CYP2A6: variants seen among roughly 807,000 people sequenced by gnomAD.
CYP2A6 encodes cytochrome P450 family 2 subfamily A member 6, also known as cytochrome P450 2A6.
A neutral mutation model predicts 42.3 loss-of-function variants in CYP2A6; 27 were observed. That is an observed-to-expected ratio of 0.64 (90% CI 0.47 to 0.88). The LOEUF (loss-of-function observed/expected upper bound fraction) is 0.88. Among genes scored for constraint, CYP2A6 ranks in the 40% least tolerant of loss-of-function variants. The pLI is 0.00. For synonymous variants in CYP2A6, 238 were observed against 246.3 expected (o/e 0.97, Z 0.31); for missense variants, 628 against 646.0 (o/e 0.97, Z 0.30).
At position 40,848,386 on chromosome 19, in the gene CYP2A6, G is replaced by A; in HGVS notation, c.494-7C>T. 2 of 1,611,856 alleles carry A rather than the reference G, an allele frequency of 1.2e-6. No individual in the cohort carries two copies. The highest frequency in any genetic ancestry group is 1.1e-5 in the South Asian group (1 of 90,904). The stretch of plus-strand genomic sequence containing the variant: ...GTGGGATCGATATTGGCGCCTGCGG[G>A]TATGGCGGGAGAAGGGGGTTGGGGA... On this transcript the variant is annotated splice_region_variant and splice_polypyrimidine_tract_variant and intron_variant, in intron 3 of 8. Coordinates refer to ENST00000301141, the MANE Select transcript of CYP2A6 (RefSeq NM_000762.6).
chr19:40,850,427 G>T lies in CYP2A6; in HGVS notation c.-1C>A, dbSNP rs780456650. Reference sequence around the variant, plus strand: ...CCAGAAGCATCCCTGAGGCCAGCATGGTGGTAGTGGGATGATAGATGGTGA... The same window carrying T: ...CCAGAAGCATCCCTGAGGCCAGCATTGTGGTAGTGGGATGATAGATGGTGA... On this transcript the variant is annotated 5_prime_UTR_variant, in exon 1 of 9. Coordinates refer to ENST00000301141, the MANE Select transcript of CYP2A6 (RefSeq NM_000762.6). 11 of 1,607,398 alleles carry T rather than the reference G, an allele frequency of 6.8e-6. No homozygotes were observed. Among genetic ancestry groups the T allele is most frequent in the Non-Finnish European group, 9.3e-6 (11 of 1,177,168 alleles).
intron 2 of CYP2A6, among the ~76,000 whole-genome samples, chr19:40,849,020 A>AGG (rs1166588094): frequency 1.7e-5 from 1 of 58,998 alleles, no homozygotes; most frequent in Non-Finnish European, 3.2e-5. Flanking sequence ...GAAGAGAGAG[A>AGG]GGAGAGAGAG....
chr19:40,848,565 C>T (rs1967140431), intron 3 of CYP2A6, 49 bp downstream of exon 3: 1 of 1,601,644 alleles, frequency 6.2e-7, no homozygotes, highest in Non-Finnish European at 8.5e-7. Flanking sequence ...GGTTCCTCGT[C>T]CTGGGTGTTT....
rs1276749710 is a variant in CYP2A6, at chr19:40,846,997, C to T, written c.709G>A (p.Ala237Thr). The change falls in exon 5 of 9, where the codon GCC becomes ACC. Residue 237 changes from alanine (A) to threonine (T), a missense_variant. Ala to Thr is a moderately conservative substitution (Grantham distance 58). This residue lies in a region of CYP2A6 where 606 missense variants were observed against 568.1 expected (regional missense o/e 1.07). Transcript: ENST00000301141. The stretch of plus-strand genomic sequence containing the variant: ...TCCAGCCCTTGCAGCAACTGAAAGG[C>T]CTGTTGCTGTGGTCCTGGCAGGTGT... ...MKHLPGPQQQ[A>T]FQLLQGLEDF... is the part of the protein sequence containing the mutation. The T allele has an allele frequency of 3.5e-5, 57 of 1,611,836 alleles. 1 individual carries two copies. Among genetic ancestry groups the T allele is most frequent in the Non-Finnish European group, 4.6e-5 (54 of 1,179,860 alleles).
intron 2 of CYP2A6, among the ~76,000 whole-genome samples, chr19:40,849,042 A>AG (rs1293469202): frequency 0.27 from 11,471 of 43,222 alleles, 3,521 homozygotes; most frequent in Non-Finnish European, 0.34. Flanking sequence ...GAGAAGAGAG[A>AG]GAGGAGAGAG....
rs1377691103 is a variant in CYP2A6 at position 40,848,272 on chromosome 19, G to A, written c.601C>T (p.Leu201=). Residue 201 remains leucine (L), a synonymous_variant, in exon 4 of 9, where the codon CTG becomes TTG. Transcript: ENST00000301141. The part of the protein sequence containing the change: ...FDYKDKEFLS[L]LRMMLGIFQF... Reference sequence around the variant, plus strand: ...AAGATTCCTAGCATCATGCGCAACAGTGACAGGAACTCTTTGTCCTTATAG... The same window carrying A: ...AAGATTCCTAGCATCATGCGCAACAATGACAGGAACTCTTTGTCCTTATAG... 2 of 1,611,912 alleles carry A rather than the reference G, an allele frequency of 1.2e-6. No individual in the cohort carries two copies. The highest frequency in any genetic ancestry group is 1.7e-6 in the Non-Finnish European group (2 of 1,179,960).
chr19:40,849,683 G>C, intron 2 of CYP2A6, 135 bp downstream of exon 2: 2 of 1,491,004 alleles, frequency 1.3e-6, no homozygotes, highest in Non-Finnish European at 1.8e-6. Context: ...CCACAATGAA[G>C]GGAGATGGGG....
intron 1 of CYP2A6, 46 bp downstream of exon 1, chr19:40,850,201 T>C: frequency 6.3e-7 from 1 of 1,583,738 alleles, no homozygotes; most frequent in Non-Finnish European, 8.6e-7. Flanking sequence ...CCCAGCCAAC[T>C]AGGCAGCCCC....
intron 2 of CYP2A6, among the ~76,000 whole-genome samples, chr19:40,849,045 G>GAGAGA (rs1235580651): frequency 0.16 from 3,820 of 24,226 alleles, 1,363 homozygotes; most frequent in Non-Finnish European, 0.19. Flanking sequence ...AAGAGAGAGA[G>GAGAGA]GAGAGAGAGA....
In CYP2A6 at chr19:40,843,656, T is replaced by C. The variant is rs2083440965; in HGVS notation, c.*140A>G. On this transcript the variant is annotated 3_prime_UTR_variant, in exon 9 of 9. Transcript: ENST00000301141. ...AGGTGAACTGAGCCGCTTCTGTTTC[T>C]TCTCTTCCCTCTAGCCACCACGCCC... 5 of 1,165,724 alleles carry C rather than the reference T, an allele frequency of 4.3e-6. No individual in the cohort carries two copies. Among genetic ancestry groups the C allele is most frequent in the Non-Finnish European group, 5.8e-6 (5 of 862,996 alleles). The allele number at this position is 1,165,724 out of a possible 1,614,324, so 72.2% of individuals were successfully genotyped here.
At chr19:40,850,082 C>A in intron 1 of CYP2A6, 102 bp from the exon 2 acceptor site, 3 of 1,549,912 alleles carry the variant, frequency 1.9e-6, no homozygotes, top group Non-Finnish European at 2.6e-6. Flanking sequence ...CCCAGGTTCT[C>A]ACAGTCAGGG....
chr19:40,844,457 G>A (rs1298324102), intron 8 of CYP2A6, among the ~76,000 whole-genome samples, 174 bp downstream of exon 8: 4 of 151,328 alleles, frequency 2.6e-5, no homozygotes, highest in Admixed American at 6.6e-5. Flanking sequence ...TTACCTGGGC[G>A]CAGGTACTGG....
In CYP2A6 at chr19:40,849,860, G is replaced by A. The variant is rs199545200; in HGVS notation, c.301C>T (p.Arg101Ter). 149 of 1,610,598 alleles carry A rather than the reference G, an allele frequency of 9.3e-5. 15 individuals are homozygous for A. In the East Asian group the frequency reaches 2.9e-3, roughly 31 times the overall value. Reference sequence around the variant, plus strand: ...CAGTCGAAGGTGGCTTGCTCGCCTCGCCCGCTGAACTCCTCAGCCTGGTCC... The same window carrying A: ...CAGTCGAAGGTGGCTTGCTCGCCTCACCCGCTGAACTCCTCAGCCTGGTCC... ...LVDQAEEFSGRGEQATFDWVF... is the reference protein window; with the variant it reads ...LVDQAEEFSG Residue 101 changes from arginine (R) to a stop codon, truncating the protein, a stop_gained, in exon 2 of 9, where the codon CGA becomes TGA. Coordinates refer to ENST00000301141, the MANE Select transcript of CYP2A6 (RefSeq NM_000762.6). LOFTEE classifies it high-confidence loss of function.
chr19:40,846,266 T>C (rs759135212), intron 5 of CYP2A6, among the ~76,000 whole-genome samples, 169 bp from the exon 6 acceptor site: 21 of 151,470 alleles, frequency 1.4e-4, no homozygotes, highest in East Asian at 6.0e-4. Context: ...GCTGCTGGCT[T>C]TGCCCAAAAT....
At chr19:40,849,766 T>C in intron 2 of CYP2A6, 52 bp downstream of exon 2, 1 of 1,605,506 alleles carries the variant, frequency 6.2e-7, no homozygotes, top group Non-Finnish European at 8.5e-7. Flanking sequence ...CTGGGAACAC[T>C]GAGACCTTCG....
At chr19:40,846,194 C>G (rs1013316456) in intron 5 of CYP2A6, 97 bp from the exon 6 acceptor site, 146 of 1,531,138 alleles carry the variant, frequency 9.5e-5, no homozygotes, top group Non-Finnish European at 1.2e-4. Flanking sequence ...TGGTTCAGAC[C>G]AAAGGTGGAA....
chr19:40,848,991 A>AG (rs1967160401), intron 2 of CYP2A6, among the ~76,000 whole-genome samples: 52 of 107,804 alleles, frequency 4.8e-4, no homozygotes, highest in African/African-American at 1.1e-3. Flanking sequence ...GAGAGAGGAG[A>AG]GAGAGAGAGA....
At position 40,848,976 on chromosome 19, in the gene CYP2A6, GAA is replaced by G. The variant is rs1491120306; in HGVS notation, c.344-215_344-214del. On this transcript the variant is annotated intron_variant, in intron 2 of 8. Transcript: ENST00000301141. ...AGAGAGAGAGAGAGAGAGAGAGAGA[GAA>G]GAGAGAGAGGAGAGAGAGAGAGAGA... Among the ~76,000 whole-genome samples, 145 of 89,340 alleles carry G rather than the reference GAA, an allele frequency of 1.6e-3. 7 individuals are homozygous for G. Among genetic ancestry groups the G allele is most frequent in the African/African-American group, 6.3e-3 (131 of 20,890 alleles). The allele number at this position is 89,340 out of a possible 152,430, so 58.6% of individuals were successfully genotyped here.
chr19:40,846,026 C>T lies in CYP2A6; in HGVS notation c.903G>A (p.Gly301=), dbSNP rs60988093. The change falls in exon 6 of 9, where the codon GGG becomes GGA. Residue 301 remains glycine, a synonymous_variant. Transcript: ENST00000301141. ...LVMTTLNLFI[G]GTETVSTTLR... is the part of the protein sequence containing the mutation. ...GGGTGGTGCTGACGGTCTCGGTGCC[C>T]CCAATGAAGAGGTTCAACGTGGTCA... The T allele has an allele frequency of 1.9e-6, 3 of 1,611,390 alleles. No individual in the cohort carries two copies. The highest frequency in any genetic ancestry group is 2.7e-5 in the African/African-American group (2 of 74,484).
Sources: allele counts gnomAD v4.1 joint callset (sites outside exome capture counted in the v4.1 genomes callset), GRCh38; gene constraint gnomAD v4.1.1; regional missense constraint gnomAD v4.1.1; transcripts MANE v1.5; gene names NCBI Gene and HGNC (gene_info 2026-07-23, HGNC 2026-07-21).